CNTN4: variants seen among roughly 807,000 people sequenced by gnomAD.
CNTN4 encodes the protein contactin-4.
Under a neutral mutation model 122.5 loss-of-function variants are expected in CNTN4, and 77 were observed. The observed-to-expected ratio is 0.63, with a 90% CI of 0.52 to 0.76. The LOEUF is 0.76. Ranked by LOEUF, CNTN4 falls within the 30% of genes least tolerant of loss-of-function variation. CNTN4 has a pLI of 0.00. For missense variants in CNTN4, 1,256 were observed against 1,259.1 expected (o/e 1.00, Z 0.04); for synonymous variants, 512 against 447.0 (o/e 1.15, Z -1.83).
intron 13 of CNTN4, among the ~76,000 whole-genome samples, chr3:2,945,768 C>T (rs1222014041): frequency 6.6e-6 from 1 of 152,168 alleles, no homozygotes; most frequent in East Asian, 1.9e-4. Flanking sequence ...GAAAGAAGGA[C>T]ACTTTAATTA....
chr3:2,931,358 T>C (rs1577315533), intron 13 of CNTN4, among the ~76,000 whole-genome samples: 1 of 110,502 alleles, frequency 9.0e-6, no homozygotes. Context: ...GAATGGCAGT[T>C]CCTAATACCA....
chr3:2,463,929 C>G (rs917421101), intron 3 of CNTN4, among the ~76,000 whole-genome samples: 3 of 152,006 alleles, frequency 2.0e-5, no homozygotes, highest in Non-Finnish European at 4.4e-5. Context: ...GACCTAGAAC[C>G]AGAACAAGTG....
At chr3:2,635,207 T>C (rs919558789) in intron 4 of CNTN4, among the ~76,000 whole-genome samples, 2 of 152,188 alleles carry the variant, frequency 1.3e-5, no homozygotes, top group African/African-American at 4.8e-5. Context: ...CTATATCTCC[T>C]TGAAAAATAG....
chr3:2,449,714 G>A (rs2048755523), intron 3 of CNTN4, among the ~76,000 whole-genome samples: 1 of 152,038 alleles, frequency 6.6e-6, no homozygotes, highest in Non-Finnish European at 1.5e-5. Context: ...GGATCAAATG[G>A]TAGCTTTTAA....
chr3:2,523,983 A>G (rs1279884382), intron 3 of CNTN4, among the ~76,000 whole-genome samples: 2 of 152,120 alleles, frequency 1.3e-5, no homozygotes, highest in African/African-American at 4.8e-5. Context: ...AGCTTTTTTG[A>G]GTGGAATAAT....
At chr3:2,712,358 A>G (rs9837469) in intron 4 of CNTN4, among the ~76,000 whole-genome samples, 26,726 of 152,172 alleles carry the variant, frequency 0.18, 2,399 homozygotes, top group Middle Eastern at 0.22. Context: ...TTGAAAGTCC[A>G]GCAATGTGCT....
At position 2,765,795 on chromosome 3, in the gene CNTN4, C is replaced by A. The variant is rs762029313; in HGVS notation, c.358+20098C>A. 2.6e-5 allele frequency among the ~76,000 whole-genome samples: 4 copies of A among 152,064 alleles called. No homozygotes were observed. The South Asian group carries it at 6.2e-4, about 24-fold the overall frequency. ...TCCTTATTCAAGAAATCTTCATATG[C>A]CAAGAAATACATAGCAAGTAATAAC... On this transcript the variant is annotated intron_variant, in intron 6 of 24. Transcript: ENST00000418658.
intron 3 of CNTN4, among the ~76,000 whole-genome samples, chr3:2,487,638 T>C (rs1335864766): frequency 6.6e-6 from 1 of 152,236 alleles, no homozygotes; most frequent in Non-Finnish European, 1.5e-5. Flanking sequence ...TTGTTTGTTT[T>C]GTTTTGTTTT....
At chr3:2,785,986 G>A (rs566777961) in intron 6 of CNTN4, among the ~76,000 whole-genome samples, 4 of 149,990 alleles carry the variant, frequency 2.7e-5, no homozygotes, top group African/African-American at 7.4e-5. Context: ...AGAGGTGTCC[G>A]AACGTTGAGA....
At chr3:2,398,801 T>C (rs1271679830) in intron 3 of CNTN4, among the ~76,000 whole-genome samples, 1 of 152,176 alleles carries the variant, frequency 6.6e-6, no homozygotes, top group Non-Finnish European at 1.5e-5. Context: ...TCCCAAATGA[T>C]GGGGCTCATT....
rs937048919 is a variant in CNTN4 at position 3,034,546 on chromosome 3, G to A, written c.1784-86G>A. On this transcript the variant is annotated intron_variant, in intron 16 of 24. Coordinates refer to ENST00000418658, the MANE Select transcript of CNTN4 (RefSeq NM_175607.3). The stretch of plus-strand genomic sequence containing the variant: ...CTGTGAATGGGTAGATAAATGAATG[G>A]GTCAATGCCCCATTCAAGTATGTGG... The A allele has an allele frequency of 3.0e-6, 4 of 1,339,818 alleles. No individual in the cohort carries two copies. The Admixed American group carries it at 6.8e-5, about 23-fold the overall frequency. The allele number at this position is 1,339,818 out of a possible 1,614,324, so 83.0% of individuals were successfully genotyped here.
At chr3:2,730,416 C>T (rs559632136) in intron 4 of CNTN4, among the ~76,000 whole-genome samples, 14 of 152,090 alleles carry the variant, frequency 9.2e-5, no homozygotes, top group African/African-American at 2.9e-4. Flanking sequence ...CTGTTTCAGC[C>T]GGGAGGTTTC....
intron 3 of CNTN4, among the ~76,000 whole-genome samples, chr3:2,474,719 G>C (rs1468603634): frequency 6.6e-6 from 1 of 152,182 alleles, no homozygotes; most frequent in Non-Finnish European, 1.5e-5. Context: ...AATATAATTA[G>C]TACAAATCAA....
chr3:2,142,410 G>T (rs577530143), intron 2 of CNTN4, among the ~76,000 whole-genome samples: 2 of 151,414 alleles, frequency 1.3e-5, no homozygotes, highest in South Asian at 4.2e-4. Flanking sequence ...TGTCGCCCAG[G>T]CTGGAGTGCA....
At chr3:2,705,347 G>A (rs1343733536) in intron 4 of CNTN4, among the ~76,000 whole-genome samples, 5 of 126,656 alleles carry the variant, frequency 3.9e-5, no homozygotes, top group Admixed American at 2.7e-4. Flanking sequence ...CAGCCTGGGC[G>A]ACATAGCCAG....
intron 23 of CNTN4, among the ~76,000 whole-genome samples, chr3:3,052,383 C>T (rs1701354529): frequency 6.6e-6 from 1 of 152,168 alleles, no homozygotes; most frequent in Non-Finnish European, 1.5e-5. Context: ...AGATACCTCC[C>T]TGTGAGGCAA....
intron 3 of CNTN4, among the ~76,000 whole-genome samples, chr3:2,570,575 C>T (rs1319938084): frequency 2.0e-5 from 3 of 152,072 alleles, no homozygotes; most frequent in African/African-American, 7.2e-5. Context: ...CGTAGATGCC[C>T]CTGCAACCCT....
intron 3 of CNTN4, among the ~76,000 whole-genome samples, chr3:2,470,756 G>T (rs188164365): frequency 6.6e-6 from 1 of 152,138 alleles, no homozygotes; most frequent in South Asian, 2.1e-4. Flanking sequence ...CCTGCCTCTC[G>T]TTTTAGGAAT....
chr3:2,327,758 C>G (rs2043521453), intron 2 of CNTN4, among the ~76,000 whole-genome samples: 1 of 152,168 alleles, frequency 6.6e-6, no homozygotes, highest in African/African-American at 2.4e-5. Context: ...AAAGCAGGGA[C>G]TATATTTGGA....
Sources: allele counts gnomAD v4.1 joint callset (sites outside exome capture counted in the v4.1 genomes callset), GRCh38; gene constraint gnomAD v4.1.1; transcripts MANE v1.5; gene names NCBI Gene and HGNC (gene_info 2026-07-23, HGNC 2026-07-21).